ME3: variants seen among roughly 807,000 people sequenced by gnomAD.
The protein encoded by ME3 is NADP-dependent malic enzyme, mitochondrial.
A neutral mutation model predicts 68.9 loss-of-function variants in ME3; 48 were observed. That is an observed-to-expected ratio of 0.70 (90% CI 0.55 to 0.89). The LOEUF (loss-of-function observed/expected upper bound fraction) is 0.89. ME3 is among the 40% of genes least tolerant of loss of function. The probability of loss-of-function intolerance (pLI) is 0.00; values close to 1 mark genes in which losing one functional copy is unlikely to be tolerated. For missense variants in ME3, 675 were observed against 797.4 expected (o/e 0.85, Z 1.85); for synonymous variants, 320 against 318.8 (o/e 1.00, Z -0.04).
downstream of ME3, among the ~76,000 whole-genome samples, chr11:86,439,277 C>T (rs1043079102): frequency 6.6e-6 from 1 of 152,186 alleles, no homozygotes; most frequent in Non-Finnish European, 1.5e-5. Flanking sequence ...CTAAACACTG[C>T]TTTAGCTACA....
intron 4 of ME3, among the ~76,000 whole-genome samples, chr11:86,549,002 T>G (rs1361313856): frequency 6.6e-6 from 1 of 152,246 alleles, no homozygotes; most frequent in Admixed American, 6.5e-5. Context: ...TGGACTTCGT[T>G]GATACGTAAA....
intron 2 of ME3, among the ~76,000 whole-genome samples, chr11:86,570,012 A>T (rs1957699954): frequency 6.6e-6 from 1 of 152,216 alleles, no homozygotes; most frequent in South Asian, 2.1e-4. Flanking sequence ...ACTGTTGAGC[A>T]TTCCTCTGTA....
intron 3 of ME3, among the ~76,000 whole-genome samples, chr11:86,556,913 T>C (rs1221981677): frequency 6.6e-6 from 1 of 151,904 alleles, no homozygotes; most frequent in African/African-American, 2.4e-5. Flanking sequence ...GTAGATACTG[T>C]TCTAAATATT....
intron 3 of ME3, among the ~76,000 whole-genome samples, chr11:86,557,886 A>G (rs1174328528): frequency 6.6e-6 from 1 of 152,090 alleles, no homozygotes; most frequent in Non-Finnish European, 1.5e-5. Context: ...ATAATTTCCT[A>G]TCCCGCCCCT....
At chr11:86,475,569 A>C (rs1193400530) in intron 7 of ME3, among the ~76,000 whole-genome samples, 1 of 152,138 alleles carries the variant, frequency 6.6e-6, no homozygotes, top group Non-Finnish European at 1.5e-5. Flanking sequence ...GCCTGAATGA[A>C]AATTTGGAGG....
chr11:86,458,194 C>T lies in ME3; in HGVS notation c.919+6897G>A, dbSNP rs529245290. Among the ~76,000 whole-genome samples, 21 of 152,318 alleles carry T rather than the reference C, an allele frequency of 1.4e-4. No individual in the cohort carries two copies. In the East Asian group the frequency reaches 4.0e-3, roughly 29 times the overall value. On this transcript the variant is annotated intron_variant, in intron 8 of 14. Coordinates refer to ENST00000543262, the Ensembl canonical transcript of ME3. ...CATTAGTATGTGCTGAGTGTTTGTT[C>T]TGGGCCTTCTCTGGGCTAGGCCTTG... is the stretch of plus-strand genomic sequence containing the variant.
intron 5 of ME3, among the ~76,000 whole-genome samples, chr11:86,500,952 C>T (rs931416231): frequency 3.9e-5 from 6 of 152,042 alleles, no homozygotes; most frequent in South Asian, 2.1e-4. Flanking sequence ...TGCCAAGACC[C>T]GCACAAGGTG....
At chr11:86,462,598 G>C (rs1950275984) in intron 8 of ME3, 1 of 1,287,682 alleles carries the variant, frequency 7.8e-7, no homozygotes, top group African/African-American at 1.5e-5. Context: ...GAGGATGTCA[G>C]TTTGTATGTG....
chr11:86,478,994 T>C (rs1252996160), intron 7 of ME3, among the ~76,000 whole-genome samples: 1 of 152,192 alleles, frequency 6.6e-6, no homozygotes, highest in African/African-American at 2.4e-5. Flanking sequence ...AGATAGCTGG[T>C]AAAGCATTAT....
chr11:86,671,747 C>A lies in ME3; in HGVS notation c.183+15G>T. On this transcript the variant is annotated intron_variant, in intron 2 of 14. Transcript: ENST00000543262. Reference sequence around the variant, plus strand: ...GGGATCGCAACGCGGGCCGTCCTGCCCTCTGGCCCATTACCTTGTTGAGAT... The same window carrying A: ...GGGATCGCAACGCGGGCCGTCCTGCACTCTGGCCCATTACCTTGTTGAGAT... 6 of 1,600,202 alleles carry A rather than the reference C, an allele frequency of 3.7e-6. No individual in the cohort carries two copies. Among genetic ancestry groups the A allele is most frequent in the Non-Finnish European group, 5.1e-6 (6 of 1,174,534 alleles).
chr11:86,535,600 C>T (rs574792604), intron 4 of ME3, among the ~76,000 whole-genome samples: 2 of 152,260 alleles, frequency 1.3e-5, no homozygotes, highest in African/African-American at 4.8e-5. Flanking sequence ...ACTTTTATCT[C>T]GCCATCCTAG....
chr11:86,567,655 A>G, intron 2 of ME3, among the ~76,000 whole-genome samples: 1 of 152,198 alleles, frequency 6.6e-6, no homozygotes, highest in East Asian at 1.9e-4. Flanking sequence ...GTATTTGAGG[A>G]AAAGGGATGA....
intron 6 of ME3, among the ~76,000 whole-genome samples, chr11:86,492,910 C>A (rs1407210204): frequency 6.6e-6 from 1 of 152,112 alleles, no homozygotes; most frequent in Non-Finnish European, 1.5e-5. Flanking sequence ...ACTTAGGGAA[C>A]CTGGGGGTCT....
At chr11:86,582,440 T>C (rs1958493636) in intron 2 of ME3, among the ~76,000 whole-genome samples, 1 of 152,212 alleles carries the variant, frequency 6.6e-6, no homozygotes, top group Non-Finnish European at 1.5e-5. Flanking sequence ...CTGGTGATTA[T>C]GAGAAACTGC....
At chr11:86,455,747 C>T (rs1031307833) in intron 8 of ME3, among the ~76,000 whole-genome samples, 12 of 152,178 alleles carry the variant, frequency 7.9e-5, no homozygotes, top group African/African-American at 2.9e-4. Flanking sequence ...CTTAACCATG[C>T]CTCCTTTTCC....
Position 86,574,546 on chromosome 11 carries a change from G to T in ME3, c.184-14723C>A, listed in dbSNP as rs1204278443. On this transcript the variant is annotated intron_variant, in intron 2 of 14. Transcript: ENST00000543262. ...TCCACTCCAAGCCCTGTTCACCTGG[G>T]TATCACCAGTGGAGGTTGCAGATCA... 5.9e-5 allele frequency among the ~76,000 whole-genome samples: 9 copies of T among 152,266 alleles called. No homozygotes were observed. The East Asian group carries it at 1.7e-3, about 29-fold the overall frequency.
chr11:86,580,143 T>C (rs1369775313), intron 2 of ME3, among the ~76,000 whole-genome samples: 1 of 152,206 alleles, frequency 6.6e-6, no homozygotes, highest in Non-Finnish European at 1.5e-5. Context: ...CCTTGTCAAA[T>C]TGTTCCTTTC....
intron 5 of ME3, among the ~76,000 whole-genome samples, chr11:86,506,806 C>A (rs1168677695): frequency 6.6e-6 from 1 of 152,170 alleles, no homozygotes; most frequent in Admixed American, 6.5e-5. Context: ...TTACAGGACC[C>A]CAGCAGCATA....
At chr11:86,572,514 T>C (rs565144935) in intron 2 of ME3, among the ~76,000 whole-genome samples, 9 of 152,306 alleles carry the variant, frequency 5.9e-5, no homozygotes, top group South Asian at 2.1e-4. Context: ...CTCCCACTTA[T>C]GAGTGAGAAC....
Sources: gnomAD v4.1 joint callset for allele counts (sites outside exome capture counted in the v4.1 genomes callset) on GRCh38, gnomAD v4.1.1 for gene constraint, MANE v1.5 for transcripts, NCBI Gene and HGNC (gene_info 2026-07-23, HGNC 2026-07-21) for gene names.